GRM7: variants seen among roughly 807,000 people sequenced by gnomAD.
GRM7 encodes the protein glutamate metabotropic receptor 7, also known as metabotropic glutamate receptor 7.
GRM7 carries 35 observed loss-of-function variants against 84.5 expected under a neutral mutation model. The observed-to-expected ratio is 0.41, with a 90% CI of 0.32 to 0.55. The LOEUF is 0.55. Ranked by LOEUF, GRM7 falls within the 20% of genes least tolerant of loss-of-function variation. The probability of loss-of-function intolerance (pLI) is 0.19; values close to 1 mark genes in which losing one functional copy is unlikely to be tolerated. For synonymous variants in GRM7, 487 were observed against 455.1 expected, an observed-to-expected ratio of 1.07 and a Z score of -0.89; for missense variants, 1,003 against 1,194.6, an observed-to-expected ratio of 0.84 and a Z score of 2.36.
chr3:7,348,742 A>T (rs887267442), intron 4 of GRM7, among the ~76,000 whole-genome samples: 17 of 152,132 alleles, frequency 1.1e-4, no homozygotes, highest in East Asian at 3.9e-4. Context: ...TACATCTCAG[A>T]TCTACTGAAT....
At chr3:7,525,267 A>C (rs1700749429) in intron 7 of GRM7, among the ~76,000 whole-genome samples, 1 of 152,070 alleles carries the variant, frequency 6.6e-6, no homozygotes, top group African/African-American at 2.4e-5. Flanking sequence ...AAGTATAATA[A>C]TAATAAAATA....
chr3:7,139,253 T>C (rs773198665), intron 1 of GRM7, among the ~76,000 whole-genome samples: 19 of 151,590 alleles, frequency 1.3e-4, no homozygotes, highest in Non-Finnish European at 2.4e-4. Flanking sequence ...CTTTTTACGG[T>C]ACTGAACACC....
intron 4 of GRM7, among the ~76,000 whole-genome samples, chr3:7,352,548 C>T (rs191135631): frequency 3.9e-5 from 6 of 152,174 alleles, no homozygotes; most frequent in Non-Finnish European, 7.4e-5. Context: ...AACACAAGTC[C>T]TCATCATGCA....
intron 7 of GRM7, among the ~76,000 whole-genome samples, chr3:7,472,130 G>C (rs530946550): frequency 1.0e-3 from 152 of 152,252 alleles, no homozygotes; most frequent in African/African-American, 3.5e-3. Flanking sequence ...CTCTCTCACT[G>C]TGTGATCTCT....
At chr3:7,721,441 G>A (rs907111890) in intron 9 of GRM7, among the ~76,000 whole-genome samples, 1 of 152,214 alleles carries the variant, frequency 6.6e-6, no homozygotes, top group Non-Finnish European at 1.5e-5. Context: ...CGCCAGAGAT[G>A]TGCATGGATA....
At chr3:7,517,479 A>G (rs184890879) in intron 7 of GRM7, among the ~76,000 whole-genome samples, 5 of 151,756 alleles carry the variant, frequency 3.3e-5, no homozygotes, top group East Asian at 1.9e-4. Context: ...TGCAACCTCC[A>G]CCTCCCGGGT....
chr3:7,650,208 T>TA (rs35111166), intron 8 of GRM7, among the ~76,000 whole-genome samples: 35,047 of 152,192 alleles, frequency 0.23, 5,243 homozygotes, highest in Non-Finnish European at 0.34. Flanking sequence ...TTGCTTGCTA[T>TA]AAGCCCATGA....
chr3:7,719,884 T>C (rs951377748), intron 9 of GRM7, among the ~76,000 whole-genome samples: 4 of 151,990 alleles, frequency 2.6e-5, no homozygotes, highest in Non-Finnish European at 5.9e-5. Context: ...CAGTTGAGTT[T>C]TTATACGGTC....
chr3:6,974,769 G>A (rs920134764), intron 1 of GRM7, among the ~76,000 whole-genome samples: 6 of 152,172 alleles, frequency 3.9e-5, no homozygotes, highest in Non-Finnish European at 8.8e-5. Flanking sequence ...GAAATGGAAG[G>A]CAGAGGTGGA....
chr3:7,336,619 G>A (rs557068736), intron 4 of GRM7, among the ~76,000 whole-genome samples: 2 of 152,112 alleles, frequency 1.3e-5, no homozygotes, highest in Non-Finnish European at 2.9e-5. Context: ...GTTCACTGAT[G>A]ATATGATTGC....
At position 7,201,980 on chromosome 3, in the gene GRM7, G is replaced by A. The variant is rs866874307; in HGVS notation, c.736+55312G>A. Among the ~76,000 whole-genome samples the A allele has an allele frequency of 4.6e-5, 7 of 152,188 alleles. No individual in the cohort carries two copies. The Middle Eastern group carries it at 0.01, about 222-fold the overall frequency. ...ACTGACCGTTTTTGCTATCTGTTTA[G>A]TATTAATTACATTACCAGCATTTTT... On this transcript the variant is annotated intron_variant, in intron 2 of 9. Coordinates refer to ENST00000357716, the MANE Select transcript of GRM7 (RefSeq NM_000844.4).
chr3:7,066,781 A>G (rs1305429516), intron 1 of GRM7, among the ~76,000 whole-genome samples: 18 of 152,020 alleles, frequency 1.2e-4, no homozygotes, highest in Non-Finnish European at 8.8e-5. Context: ...TTAACAAAAT[A>G]CTAGCTAACT....
At chr3:7,150,827 G>A (rs1360023352) in intron 2 of GRM7, among the ~76,000 whole-genome samples, 1 of 152,110 alleles carries the variant, frequency 6.6e-6, no homozygotes, top group African/African-American at 2.4e-5. Flanking sequence ...ATAGCATGTG[G>A]CACTAATAAA....
At chr3:7,452,463 A>G (rs1697811246) in intron 5 of GRM7, 144 bp from the exon 6 acceptor site, 1 of 643,232 alleles carries the variant, frequency 1.6e-6, no homozygotes. Flanking sequence ...TGGTAGGCAA[A>G]TGTGGCTTGA....
intron 4 of GRM7, among the ~76,000 whole-genome samples, chr3:7,349,155 T>C (rs535614933): frequency 2.0e-4 from 31 of 152,236 alleles, no homozygotes; most frequent in African/African-American, 7.2e-4. Flanking sequence ...TCGATTTCTG[T>C]GCTTCTGTCA....
intron 4 of GRM7, among the ~76,000 whole-genome samples, chr3:7,404,431 C>A (rs1443938426): frequency 6.6e-6 from 1 of 152,158 alleles, no homozygotes; most frequent in Non-Finnish European, 1.5e-5. Flanking sequence ...TGAGAACTAA[C>A]CATCAGGCTT....
rs533376658 is a variant in GRM7 at position 7,302,458 on chromosome 3, A to T, written c.878+3633A>T. Among the ~76,000 whole-genome samples, 487 of 152,222 alleles carry T rather than the reference A, an allele frequency of 3.2e-3. 4 individuals carry two copies. Among genetic ancestry groups the T allele is most frequent in the South Asian group, 0.019 (91 of 4,834 alleles). On this transcript the variant is annotated intron_variant, in intron 3 of 9. Transcript: ENST00000357716. ...CTGAACATACTTTTGTGTTTGTATC[A>T]GTTTTTACTTTCTTTTCCTGTTTTA...
chr3:7,219,339 C>A (rs954683940), intron 2 of GRM7, among the ~76,000 whole-genome samples: 3 of 152,142 alleles, frequency 2.0e-5, no homozygotes, highest in African/African-American at 7.2e-5. Flanking sequence ...GCTCATATAA[C>A]GGCTGCATCT....
intron 4 of GRM7, among the ~76,000 whole-genome samples, chr3:7,347,383 A>G (rs1354175487): frequency 1.3e-5 from 2 of 152,202 alleles, no homozygotes; most frequent in East Asian, 3.9e-4. Flanking sequence ...AACAAGATCC[A>G]CTTTCCGAAT....
Sources: gnomAD v4.1 joint callset for allele counts (sites outside exome capture counted in the v4.1 genomes callset) on GRCh38, gnomAD v4.1.1 for gene constraint, MANE v1.5 for transcripts, NCBI Gene and HGNC (gene_info 2026-07-23, HGNC 2026-07-21) for gene names.